The following FANCD2 variants were observed in gnomAD, a reference collection of about 807,000 sequenced individuals.
The protein encoded by FANCD2 is FA complementation group D2, also known as Fanconi anemia group D2 protein.
Under a neutral mutation model 192.3 loss-of-function variants are expected in FANCD2, and 131 were observed. The observed-to-expected ratio is 0.68, with a 90% confidence interval of 0.59 to 0.79. FANCD2 has a LOEUF of 0.79. FANCD2 is among the 30% of genes least tolerant of loss of function. The pLI is 0.00. For missense variants in FANCD2, 1,508 were observed against 1,701.6 expected, an observed-to-expected ratio of 0.89 and a Z score of 2.00; for synonymous variants, 524 against 612.5, an observed-to-expected ratio of 0.86 and a Z score of 2.13.
At chr3:10,074,181 T>TGA (rs1693409841) in intron 28 of FANCD2, among the ~76,000 whole-genome samples, 1 of 152,150 alleles carries the variant, frequency 6.6e-6, no homozygotes, top group Admixed American at 6.6e-5. Context: ...CCTGACCTCG[T>TGA]GATCCACCCA....
At position 10,088,970 on chromosome 3, in the gene FANCD2, C is replaced by T; in HGVS notation, c.3683+20C>T. 6.2e-7 allele frequency: 1 copy of T among 1,613,488 alleles called. No individual in the cohort carries two copies. The highest frequency in any genetic ancestry group is 1.3e-5 in the African/African-American group (1 of 74,996). ...GACCAGGTAAGGGAGTTCTTTCCTCCAGTTTTTCCCTTAAGATAGAATCAT... is the reference window on the plus strand; with the variant it reads ...GACCAGGTAAGGGAGTTCTTTCCTCTAGTTTTTCCCTTAAGATAGAATCAT... On this transcript the variant is annotated intron_variant, in intron 36 of 43. Coordinates refer to ENST00000675286, the MANE Select transcript of FANCD2 (RefSeq NM_001018115.3).
intron 17 of FANCD2, among the ~76,000 whole-genome samples, chr3:10,050,801 G>T (rs2087177968): frequency 6.6e-6 from 1 of 151,766 alleles, no homozygotes. Context: ...AAGAGTGAGG[G>T]ATTGGCCGGG....
At chr3:10,088,141 T>C (rs1163220410) in intron 34 of FANCD2, among the ~76,000 whole-genome samples, 1 of 152,208 alleles carries the variant, frequency 6.6e-6, no homozygotes. Flanking sequence ...AAGATTGGCC[T>C]TCCCACTGCC....
At chr3:10,089,233 C>T (rs1215393795) in intron 36 of FANCD2, among the ~76,000 whole-genome samples, 1 of 151,552 alleles carries the variant, frequency 6.6e-6, no homozygotes, top group African/African-American at 2.4e-5. Flanking sequence ...TGCAGTGAGC[C>T]GGGATCGCGC....
Position 10,032,973 on chromosome 3 carries a change from G to A in FANCD2, c.205+1G>A, listed in dbSNP as rs2124970985. On this transcript the variant is annotated splice_donor_variant, in intron 3 of 43. Coordinates refer to ENST00000675286, the MANE Select transcript of FANCD2 (RefSeq NM_001018115.3). LOFTEE classifies it high-confidence loss of function. The stretch of plus-strand genomic sequence containing the variant: ...ACGGGAGAGAGTCAGAATCAACTAG[G>A]TAATATTTTAATCTAATTTTATTCT... 1 of 1,564,838 alleles carries A rather than the reference G, an allele frequency of 6.4e-7. No individual in the cohort carries two copies. The highest frequency in any genetic ancestry group is 8.8e-7 in the Non-Finnish European group (1 of 1,135,804).
chr3:10,062,297 G>A (rs2087594146), intron 20 of FANCD2, 86 bp downstream of exon 20: 2 of 1,100,444 alleles, frequency 1.8e-6, no homozygotes. Flanking sequence ...CTGCAGTGCA[G>A]TGGCAAGATC....
In FANCD2 at chr3:10,087,281, CTTTT is replaced by C. The variant is rs371321981; in HGVS notation, c.3466+33_3466+36del. On this transcript the variant is annotated intron_variant, in intron 34 of 43. Transcript: ENST00000675286. ...AAAAAATTGGTGATGGGCCTAGATC[CTTTT>C]TTTTTTTTTTTTTTTAATGAATAGG... 1.1e-3 allele frequency: 1,413 copies of C among 1,306,860 alleles called. No individual in the cohort carries two copies. Among genetic ancestry groups the C allele is most frequent in the East Asian group, 2.1e-3 (77 of 36,002 alleles). The allele number at this position is 1,306,860 out of a possible 1,614,324, so 81.0% of individuals were successfully genotyped here. A position where few individuals can be genotyped will look rare whatever the true frequency, so the allele number is the denominator to read the frequency against.
rs768988673 is a variant in FANCD2, at chr3:10,078,187, C to G, written c.2966C>G (p.Pro989Arg). Residue 989 changes from proline to arginine, a missense_variant, in exon 30 of 44, where the codon CCC becomes CGC. Transcript: ENST00000675286. The stretch of plus-strand genomic sequence containing the variant: ...ACACCTCCTATTGCCAGGAGAGTCC[C>G]CTTTCTCAAGGTTAGTGTAGGCAGA... ...MLTPPIARRV[P>R]FLKNKGSRNI... is the part of the protein sequence containing the mutation. The G allele has an allele frequency of 1.2e-6, 2 of 1,603,828 alleles. No individual in the cohort carries two copies. The highest frequency in any genetic ancestry group is 1.1e-5 in the South Asian group (1 of 90,880).
intron 14 of FANCD2, among the ~76,000 whole-genome samples, chr3:10,046,144 C>T (rs562780792): frequency 2.1e-4 from 31 of 148,074 alleles, no homozygotes; most frequent in African/African-American, 7.4e-4. Context: ...AGCTCTGCCT[C>T]CCGGGTTCAC....
At chr3:10,054,638 C>T (rs1345744652) in intron 18 of FANCD2, among the ~76,000 whole-genome samples, 1 of 149,094 alleles carries the variant, frequency 6.7e-6, no homozygotes, top group Non-Finnish European at 1.5e-5. Context: ...CGCCCGCCAC[C>T]ACGCCCGGCT....
chr3:10,100,872 C>A (rs1474723455), intron 43 of FANCD2, among the ~76,000 whole-genome samples: 2 of 151,918 alleles, frequency 1.3e-5, no homozygotes, highest in Non-Finnish European at 2.9e-5. Context: ...GAGTTTGAGA[C>A]CAGCCTTGCC....
chr3:10,085,558 A>C (rs1254678795), intron 32 of FANCD2, among the ~76,000 whole-genome samples: 1 of 151,570 alleles, frequency 6.6e-6, no homozygotes, highest in Non-Finnish European at 1.5e-5. Flanking sequence ...CACCCAGCTA[A>C]TTTTTGTATT....
intron 30 of FANCD2, among the ~76,000 whole-genome samples, chr3:10,079,811 T>A (rs988611243): frequency 2.6e-5 from 4 of 152,218 alleles, no homozygotes; most frequent in Non-Finnish European, 5.9e-5. Context: ...GGGGAAGCAG[T>A]TGGACGGTAC....
At chr3:10,087,440 T>A (rs1694285866) in intron 34 of FANCD2, among the ~76,000 whole-genome samples, 176 bp downstream of exon 34, 1 of 152,054 alleles carries the variant, frequency 6.6e-6, no homozygotes, top group African/African-American at 2.4e-5. Context: ...GACTGATTTC[T>A]GCTAAAATTG....
chr3:10,100,808 G>A (rs1004783664), intron 43 of FANCD2, among the ~76,000 whole-genome samples: 3 of 152,168 alleles, frequency 2.0e-5, no homozygotes, highest in East Asian at 3.9e-4. Flanking sequence ...AATGGCTCAC[G>A]CCTGTAATCC....
At position 10,085,903 on chromosome 3, in the gene FANCD2, C is replaced by A; in HGVS notation, c.3316C>A (p.Pro1106Thr). Residue 1106 changes from proline to threonine, a missense_variant, in exon 33 of 44, where the codon CCT becomes ACT. Physicochemically the swap from Pro to Thr is conservative, Grantham distance 38. Around this residue, in one of 5 missense-constraint regions of FANCD2, gnomAD observed 796 missense variants for 879.4 expected, o/e 0.91. Coordinates refer to ENST00000675286, the MANE Select transcript of FANCD2 (RefSeq NM_001018115.3). ...SRLKQGEHSQ[P>T]LEELLSQSVH... ...ACTGAAACAGGGAGAACACAGCCAG[C>A]CTTTGGAGGAACTACTCAGGTGAGT... is the stretch of plus-strand genomic sequence containing the variant. 6.2e-7 allele frequency: 1 copy of A among 1,611,556 alleles called. No homozygotes were observed. The highest frequency in any genetic ancestry group is 8.5e-7 in the Non-Finnish European group (1 of 1,177,806).
At chr3:10,064,608 CTGTT>C in intron 22 of FANCD2, 117 bp from the exon 23 acceptor site, 9 of 1,325,672 alleles carry the variant, frequency 6.8e-6, no homozygotes, top group South Asian at 1.2e-5. Flanking sequence ...AAAAGGTTCA[CTGTT>C]TGTTCTTCTA....
At position 10,043,512 on chromosome 3, in the gene FANCD2, C is replaced by T; in HGVS notation, c.1018C>T (p.Gln340Ter). Residue 340 changes from glutamine to a stop codon, truncating the protein, a stop_gained, in exon 13 of 44, where the codon CAG becomes TAG. Coordinates refer to ENST00000675286, the MANE Select transcript of FANCD2 (RefSeq NM_001018115.3). LOFTEE classifies it high-confidence loss of function. Reference protein sequence around the residue: ...SSSGNQESSGQSCIILLFDVI... With the variant: ...SSSGNQESSG ...CTCAGGAAATCAAGAAAGCAGCGGT[C>T]AGAGCTGTATTATTCTCCTCTTTGA... 6.2e-7 allele frequency: 1 copy of T among 1,613,746 alleles called. No individual in the cohort carries two copies. The highest frequency in any genetic ancestry group is 8.5e-7 in the Non-Finnish European group (1 of 1,179,752).
intron 29 of FANCD2, among the ~76,000 whole-genome samples, chr3:10,075,676 T>G (rs1457316979): frequency 6.6e-6 from 1 of 152,084 alleles, no homozygotes; most frequent in Non-Finnish European, 1.5e-5. Context: ...TAGCATTAAT[T>G]TTCACCTGAA....
Sources: gnomAD v4.1 joint callset for allele counts (sites outside exome capture counted in the v4.1 genomes callset) on GRCh38, gnomAD v4.1.1 for gene constraint, gnomAD v4.1.1 regional missense constraint, MANE v1.5 for transcripts, NCBI Gene and HGNC (gene_info 2026-07-23, HGNC 2026-07-21) for gene names.